PCSK6: variants seen among roughly 807,000 people sequenced by gnomAD.
The protein encoded by PCSK6 is paired basic amino acid cleaving enzyme 4.
PCSK6 carries 85 observed loss-of-function variants against 123.3 expected under a neutral mutation model. The observed-to-expected ratio is 0.69, with a 90% CI of 0.58 to 0.83. The LOEUF is 0.83. PCSK6 is among the 40% of genes least tolerant of loss of function. The probability of loss-of-function intolerance (pLI) is 0.00; values close to 1 mark genes in which losing one functional copy is unlikely to be tolerated. For missense variants in PCSK6, 1,191 were observed against 1,282.3 expected, an observed-to-expected ratio of 0.93 and a Z score of 1.09; for synonymous variants, 508 against 516.0, an observed-to-expected ratio of 0.98 and a Z score of 0.21.
chr15:101,400,231 C>A (rs2042547852), intron 6 of PCSK6, among the ~76,000 whole-genome samples: 1 of 152,110 alleles, frequency 6.6e-6, no homozygotes, highest in East Asian at 1.9e-4. Context: ...CTGGCATATA[C>A]TTTCTTTCTA....
chr15:101,405,135 G>C (rs1316345307), intron 6 of PCSK6, among the ~76,000 whole-genome samples: 1 of 152,204 alleles, frequency 6.6e-6, no homozygotes, highest in Non-Finnish European at 1.5e-5. Context: ...GAAGCCTGCT[G>C]TTCCAACATG....
intron 15 of PCSK6, among the ~76,000 whole-genome samples, chr15:101,330,441 A>T (rs766528696): frequency 6.6e-5 from 10 of 151,998 alleles, no homozygotes; most frequent in Non-Finnish European, 1.3e-4. Flanking sequence ...TATCCACCTG[A>T]CCTTGCATTG....
chr15:101,478,551 T>G (rs1462237351), intron 1 of PCSK6, among the ~76,000 whole-genome samples: 2 of 152,212 alleles, frequency 1.3e-5, no homozygotes, highest in African/African-American at 2.4e-5. Flanking sequence ...GTCCTCTTTT[T>G]CTGGCTTCCT....
At chr15:101,353,152 G>A (rs948595751) in intron 13 of PCSK6, among the ~76,000 whole-genome samples, 10 of 152,306 alleles carry the variant, frequency 6.6e-5, no homozygotes, top group African/African-American at 2.4e-4. Flanking sequence ...AGAATCAGTG[G>A]GAGCCCTGAG....
At chr15:101,363,401 C>A (rs1176886406) in intron 13 of PCSK6, among the ~76,000 whole-genome samples, 1 of 152,208 alleles carries the variant, frequency 6.6e-6, no homozygotes, top group Non-Finnish European at 1.5e-5. Context: ...CAGCACCAGC[C>A]TCCCAGGCAA....
chr15:101,322,538 A>T lies in PCSK6; in HGVS notation c.2447T>A (p.Val816Asp). Residue 816 changes from valine (V) to aspartate (D), a missense_variant, in exon 18 of 22, where the codon GTC becomes GAC. Val to Asp is a radical substitution (Grantham distance 152). Coordinates refer to ENST00000611716, the MANE Select transcript of PCSK6 (RefSeq NM_002570.5). Reference protein sequence around the residue: ...KCVDEPEKCTVCKEGFSLARG... With the variant: ...KCVDEPEKCTDCKEGFSLARG... Reference sequence around the variant, plus strand: ...GTTTTACCTGAATCCTTCTTTACAGACAGTACATTTCTCAGGTTCATCCAC... The same window carrying T: ...GTTTTACCTGAATCCTTCTTTACAGTCAGTACATTTCTCAGGTTCATCCAC... The T allele has an allele frequency of 1.2e-6, 2 of 1,613,342 alleles. No individual in the cohort carries two copies. The highest frequency in any genetic ancestry group is 1.7e-6 in the Non-Finnish European group (2 of 1,179,372).
chr15:101,437,618 C>A (rs1189596711), intron 2 of PCSK6, among the ~76,000 whole-genome samples: 1 of 152,160 alleles, frequency 6.6e-6, no homozygotes, highest in Admixed American at 6.5e-5. Context: ...GCCAGAAGAC[C>A]CCTGCTTAAC....
chr15:101,342,328 TAAGTA>T (rs1207494211), intron 13 of PCSK6, among the ~76,000 whole-genome samples: 1 of 152,142 alleles, frequency 6.6e-6, no homozygotes, highest in Non-Finnish European at 1.5e-5. Context: ...ATATTAATTC[TAAGTA>T]AAGTGTAATA....
At chr15:101,331,600 T>G in intron 15 of PCSK6, 51 bp downstream of exon 15, 1 of 1,567,464 alleles carries the variant, frequency 6.4e-7, no homozygotes, top group Non-Finnish European at 8.8e-7. Flanking sequence ...TAGACCCTGC[T>G]CTCCCAGCTG....
At chr15:101,383,812 G>A (rs911015140) in intron 10 of PCSK6, among the ~76,000 whole-genome samples, 3 of 152,012 alleles carry the variant, frequency 2.0e-5, no homozygotes, top group Non-Finnish European at 4.4e-5. Context: ...GAAAAAATAC[G>A]TAACTACATA....
intron 1 of PCSK6, among the ~76,000 whole-genome samples, chr15:101,475,009 C>T (rs1364457476): frequency 6.6e-6 from 1 of 152,206 alleles, no homozygotes; most frequent in Non-Finnish European, 1.5e-5. Flanking sequence ...CCCCACTTCC[C>T]ATTCCTCTGT....
At chr15:101,324,390 T>C (rs1445862340) in intron 17 of PCSK6, among the ~76,000 whole-genome samples, 1 of 152,226 alleles carries the variant, frequency 6.6e-6, no homozygotes, top group Non-Finnish European at 1.5e-5. Context: ...CAATCCCATG[T>C]ACCCTGACCC....
rs748780414 is a variant in PCSK6 at position 101,430,045 on chromosome 15, C to T, written c.676G>A (p.Asp226Asn). 4.3e-6 allele frequency: 7 copies of T among 1,613,684 alleles called. No homozygotes were observed. Among genetic ancestry groups the T allele is most frequent in the South Asian group, 2.2e-5 (2 of 91,066 alleles). ...GGGTCATAATCATTGCCGTTCACGTCGTAGCTGGCGTAGGAATCCTAAGAA... is the reference window on the plus strand; with the variant it reads ...GGGTCATAATCATTGCCGTTCACGTTGTAGCTGGCGTAGGAATCCTAAGAA... ...APNYDSYASY[D>N]VNGNDYDPSP... is the part of the protein sequence containing the mutation. The change falls in exon 5 of 22, where the codon GAC becomes AAC. Residue 226 changes from aspartate to asparagine, a missense_variant. Coordinates refer to ENST00000611716, the MANE Select transcript of PCSK6 (RefSeq NM_002570.5).
intron 11 of PCSK6, among the ~76,000 whole-genome samples, chr15:101,376,060 G>A (rs1224993705): frequency 6.6e-6 from 1 of 152,108 alleles, no homozygotes; most frequent in Non-Finnish European, 1.5e-5. Context: ...CTGTTTCACA[G>A]TGTATTTAGT....
chr15:101,460,730 C>CA (rs2057322103), intron 1 of PCSK6, among the ~76,000 whole-genome samples: 1 of 152,076 alleles, frequency 6.6e-6, no homozygotes. Flanking sequence ...AGCTGGAGGT[C>CA]AACAGGGCAA....
chr15:101,488,956 G>C (rs1313957256), intron 1 of PCSK6, among the ~76,000 whole-genome samples: 1 of 150,294 alleles, frequency 6.7e-6, no homozygotes, highest in Non-Finnish European at 1.5e-5. Context: ...GCTCCCCCGC[G>C]GGGGAGAGCC....
Position 101,389,574 on chromosome 15 carries a change from A to G in PCSK6, c.1210-10T>C. The G allele has an allele frequency of 6.2e-7, 1 of 1,601,780 alleles. No individual in the cohort carries two copies. The highest frequency in any genetic ancestry group is 8.5e-7 in the Non-Finnish European group (1 of 1,170,538). On this transcript the variant is annotated splice_polypyrimidine_tract_variant and intron_variant, in intron 8 of 21. Coordinates refer to ENST00000611716, the MANE Select transcript of PCSK6 (RefSeq NM_002570.5). ...GCAGATCCGTGGTGACCTGGGGGAG[A>G]GAGAAGCACAGTGAGGCAGTGATGG...
intron 1 of PCSK6, among the ~76,000 whole-genome samples, chr15:101,483,971 TTTC>T: frequency 6.6e-6 from 1 of 152,238 alleles, no homozygotes; most frequent in East Asian, 1.9e-4. Context: ...GCATCTCCCT[TTTC>T]TTTTTTCTCT....
At chr15:101,478,739 G>C (rs1475018467) in intron 1 of PCSK6, among the ~76,000 whole-genome samples, 1 of 152,162 alleles carries the variant, frequency 6.6e-6, no homozygotes, top group African/African-American at 2.4e-5. Flanking sequence ...GGTGACACTG[G>C]AATCACTCAG....
Sources: gnomAD v4.1 joint callset for allele counts (sites outside exome capture counted in the v4.1 genomes callset) on GRCh38, gnomAD v4.1.1 for gene constraint, MANE v1.5 for transcripts, NCBI Gene and HGNC (gene_info 2026-07-23, HGNC 2026-07-21) for gene names.